The following CCDC150 variants were observed in gnomAD, a reference collection of about 807,000 sequenced individuals.
CCDC150 encodes the protein coiled-coil domain containing 150, also known as coiled-coil domain-containing protein 150.
CCDC150 carries 151 observed loss-of-function variants against 156.5 expected under a neutral mutation model. That is an observed-to-expected ratio of 0.97 (90% CI 0.85 to 1.10). The LOEUF is 1.10. Among genes scored for constraint, CCDC150 ranks in the 50% least tolerant of loss-of-function variants. The pLI is 0.00. For synonymous variants in CCDC150, 452 were observed against 429.4 expected, an observed-to-expected ratio of 1.05 and a Z score of -0.65; for missense variants, 1,312 against 1,268.1, an observed-to-expected ratio of 1.03 and a Z score of -0.53.
At chr2:196,642,766 G>T (rs756974872) in intron 1 of CCDC150, among the ~76,000 whole-genome samples, 14 of 152,126 alleles carry the variant, frequency 9.2e-5, no homozygotes, top group Non-Finnish European at 1.9e-4. Flanking sequence ...TAGAGACAAG[G>T]TCTTGCTTTG....
chr2:196,691,834 G>A (rs188456334), intron 13 of CCDC150, among the ~76,000 whole-genome samples: 1 of 152,152 alleles, frequency 6.6e-6, no homozygotes, highest in Non-Finnish European at 1.5e-5. Context: ...CCAGCTACTC[G>A]GGAGACTGAG....
At chr2:196,652,435 C>T (rs1030361353) in intron 2 of CCDC150, among the ~76,000 whole-genome samples, 1 of 152,258 alleles carries the variant, frequency 6.6e-6, no homozygotes, top group African/African-American at 2.4e-5. Context: ...GGGTCCCACA[C>T]TTTAAAGCTC....
At chr2:196,697,926 A>G (rs1575870051) in intron 14 of CCDC150, among the ~76,000 whole-genome samples, 1 of 152,126 alleles carries the variant, frequency 6.6e-6, no homozygotes, top group African/African-American at 2.4e-5. Context: ...TTTCTAAAGA[A>G]TGGTATCTTT....
At chr2:196,682,847 C>A (rs1044080518) in intron 13 of CCDC150, among the ~76,000 whole-genome samples, 1 of 151,954 alleles carries the variant, frequency 6.6e-6, no homozygotes, top group Admixed American at 6.6e-5. Context: ...TAAACTATAT[C>A]TCTATAAATT....
chr2:196,670,678 A>G (rs1322198783), intron 8 of CCDC150, among the ~76,000 whole-genome samples: 1 of 152,030 alleles, frequency 6.6e-6, no homozygotes, highest in East Asian at 1.9e-4. Context: ...TTGAAGTCAT[A>G]AGATCTTACT....
chr2:196,664,611 C>T (rs1693735395), intron 5 of CCDC150, among the ~76,000 whole-genome samples: 1 of 152,194 alleles, frequency 6.6e-6, no homozygotes. Flanking sequence ...GGCCTCATTA[C>T]ATAGGCATGA....
chr2:196,712,635 G>T (rs1474618621), intron 16 of CCDC150, 42 bp from the exon 17 acceptor site: 2 of 1,448,190 alleles, frequency 1.4e-6, no homozygotes, highest in African/African-American at 1.4e-5. Flanking sequence ...TTAAAATTTT[G>T]GCAGTTGTGA....
chr2:196,642,472 C>T (rs1030757214), intron 1 of CCDC150, among the ~76,000 whole-genome samples: 26 of 152,320 alleles, frequency 1.7e-4, no homozygotes, highest in African/African-American at 5.1e-4. Context: ...GAGAATCTCT[C>T]TCTAACTTTA....
At chr2:196,697,984 G>T (rs1022398773) in intron 14 of CCDC150, among the ~76,000 whole-genome samples, 1 of 152,222 alleles carries the variant, frequency 6.6e-6, no homozygotes, top group Admixed American at 6.5e-5. Flanking sequence ...ATCTTTCTCT[G>T]TATGATGTTT....
In CCDC150 at chr2:196,666,242, C is replaced by G. The variant is rs1029555228; in HGVS notation, c.763-477C>G. Among the ~76,000 whole-genome samples, 5 of 152,244 alleles carry G rather than the reference C, an allele frequency of 3.3e-5. No individual in the cohort carries two copies. The East Asian group carries it at 9.6e-4, about 29-fold the overall frequency. On this transcript the variant is annotated intron_variant, in intron 6 of 27. Coordinates refer to ENST00000389175, the MANE Select transcript of CCDC150 (RefSeq NM_001080539.2). ...CAAATAATTTAGAATACTTTAAATT[C>G]TAACCAAGTCAGTTCATATTTTCAT...
At chr2:196,709,948 G>T (rs538295261) in intron 15 of CCDC150, among the ~76,000 whole-genome samples, 41 of 152,344 alleles carry the variant, frequency 2.7e-4, no homozygotes, top group African/African-American at 9.9e-4. Flanking sequence ...GTGTCTCCCA[G>T]TTAGACTACA....
At chr2:196,729,896 C>T (rs1377387958) in intron 24 of CCDC150, 35 bp downstream of exon 24, 1 of 1,602,586 alleles carries the variant, frequency 6.2e-7, no homozygotes, top group East Asian at 2.2e-5. Flanking sequence ...GTTTACCTTT[C>T]ATGCAAAATC....
intron 14 of CCDC150, among the ~76,000 whole-genome samples, chr2:196,699,229 C>G (rs1361966763): frequency 2.0e-5 from 3 of 152,022 alleles, no homozygotes; most frequent in Non-Finnish European, 2.9e-5. Context: ...TTTCCTTTGC[C>G]TTAGTGGGAG....
In CCDC150 at chr2:196,672,404, A is replaced by G; in HGVS notation, c.996A>G (p.Ile332Met). The change falls in exon 9 of 28, where the codon ATA (isoleucine) becomes ATG (methionine). Residue 332 changes from isoleucine (I) to methionine (M), a missense_variant. Ile to Met is a conservative substitution (Grantham distance 10). Transcript: ENST00000389175. ...HEENAYLRSE[I>M]MSLHEASEKA... Reference sequence around the variant, plus strand: ...AAAATGCATATTTGAGGTCCGAAATAATGTCTCTTCATGAAGCATCAGAAA... The same window carrying G: ...AAAATGCATATTTGAGGTCCGAAATGATGTCTCTTCATGAAGCATCAGAAA... The G allele has an allele frequency of 1.3e-6, 2 of 1,545,636 alleles. No homozygotes were observed. The highest frequency in any genetic ancestry group is 8.7e-7 in the Non-Finnish European group (1 of 1,148,002).
At chr2:196,668,795 T>C (rs1694015584) in intron 7 of CCDC150, among the ~76,000 whole-genome samples, 1 of 152,208 alleles carries the variant, frequency 6.6e-6, no homozygotes, top group African/African-American at 2.4e-5. Context: ...TTCTTAACTT[T>C]GGTTAGTAGA....
intron 8 of CCDC150, 139 bp downstream of exon 8, chr2:196,670,015 A>G (rs1694107845): frequency 5.5e-6 from 3 of 547,310 alleles, no homozygotes; most frequent in Non-Finnish European, 9.8e-6. Context: ...TGAGTAGTAT[A>G]TTTAGGATAA....
At chr2:196,704,792 C>T (rs1327748067) in intron 15 of CCDC150, among the ~76,000 whole-genome samples, 2 of 152,128 alleles carry the variant, frequency 1.3e-5, no homozygotes, top group East Asian at 1.9e-4. Flanking sequence ...TGAGTGAGAA[C>T]ATGGGGTGTT....
intron 13 of CCDC150, among the ~76,000 whole-genome samples, chr2:196,690,453 T>C (rs2125642919): frequency 6.6e-6 from 1 of 152,304 alleles, no homozygotes; most frequent in Non-Finnish European, 1.5e-5. Context: ...TGTAAATTCA[T>C]ATATGTAATT....
chr2:196,685,744 TG>T (rs1251354964), intron 13 of CCDC150, among the ~76,000 whole-genome samples: 1 of 151,960 alleles, frequency 6.6e-6, no homozygotes, highest in African/African-American at 2.4e-5. Flanking sequence ...CCCAAGTAGC[TG>T]GGACTACAGG....
Sources: allele counts gnomAD v4.1 joint callset (sites outside exome capture counted in the v4.1 genomes callset), GRCh38; gene constraint gnomAD v4.1.1; transcripts MANE v1.5; gene names NCBI Gene and HGNC (gene_info 2026-07-23, HGNC 2026-07-21).